SHLD3: variants seen among roughly 807,000 people sequenced by gnomAD.
SHLD3 encodes REV7-interacting novel NHEJ regulator 1.
SHLD3 carries 15 observed loss-of-function variants against 21.4 expected under a neutral mutation model. That is an observed-to-expected ratio of 0.70 (90% CI 0.47 to 1.08). The LOEUF (loss-of-function observed/expected upper bound fraction) is 1.08. Among genes scored for constraint, SHLD3 ranks in the 50% least tolerant of loss-of-function variants. The probability of loss-of-function intolerance (pLI) is 0.00; values close to 1 mark genes in which losing one functional copy is unlikely to be tolerated. For synonymous variants in SHLD3, 103 were observed against 97.2 expected (o/e 1.06, Z -0.35); for missense variants, 273 against 286.1 (o/e 0.95, Z 0.33).
chr5:65,629,853 A>C lies in SHLD3; in HGVS notation c.266A>C (p.Asp89Ala). The C allele has an allele frequency of 1.3e-6, 2 of 1,536,078 alleles. No homozygotes were observed. The highest frequency in any genetic ancestry group is 1.7e-6 in the Non-Finnish European group (2 of 1,146,892). The change falls in exon 2 of 2, where the codon GAT (aspartate) becomes GCT (alanine). Residue 89 changes from aspartate (D) to alanine (A), a missense_variant. Asp to Ala is a moderately radical substitution (Grantham distance 126). Transcript: ENST00000510585. ...TCACACAGTTATGATTGCACAGTAG[A>C]TCTATTGGAGTTTCAACCTAGCTTG... Reference protein sequence around the residue: ...AKSHSYDCTVDLLEFQPSLKK... With the variant: ...AKSHSYDCTVALLEFQPSLKK...
chr5:65,627,065 G>A (rs1411828046), intron 1 of SHLD3, among the ~76,000 whole-genome samples: 1 of 143,034 alleles, frequency 7.0e-6, no homozygotes, highest in Non-Finnish European at 1.5e-5. Context: ...CTGGGAGGCA[G>A]AGGCTGCAGT....
Position 65,629,724 on chromosome 5 carries a change from G to C in SHLD3, c.137G>C (p.Gly46Ala). 3 of 1,535,994 alleles carry C rather than the reference G, an allele frequency of 2.0e-6. No homozygotes were observed. The highest frequency in any genetic ancestry group is 2.4e-5 in the East Asian group (1 of 40,898). The change falls in exon 2 of 2, where the codon GGG becomes GCG. Residue 46 changes from glycine (G) to alanine (A), a missense_variant. By Grantham distance (60) the Gly-to-Ala change is moderately conservative. Coordinates refer to ENST00000510585, the MANE Select transcript of SHLD3 (RefSeq NM_001365341.2). ...SRFIPWFPYD[G>A]SKLPLRPKRS... is the part of the protein sequence containing the mutation. Reference sequence around the variant, plus strand: ...TTTATACCTTGGTTTCCATATGATGGGTCCAAGCTTCCACTCAGACCTAAA... The same window carrying C: ...TTTATACCTTGGTTTCCATATGATGCGTCCAAGCTTCCACTCAGACCTAAA...
Position 65,629,613 on chromosome 5 carries a change from A to G in SHLD3, c.26A>G (p.Tyr9Cys). 6.5e-7 allele frequency: 1 copy of G among 1,534,602 alleles called. No individual in the cohort carries two copies. The highest frequency in any genetic ancestry group is 8.7e-7 in the Non-Finnish European group (1 of 1,146,130). ...ATGACTACAGAAGTAATATTACATTATCGACCATGTGAGAGTGATCCCACA... is the reference window on the plus strand; with the variant it reads ...ATGACTACAGAAGTAATATTACATTGTCGACCATGTGAGAGTGATCCCACA... MTTEVILH[Y>C]RPCESDPTQL... The change falls in exon 2 of 2, where the codon TAT becomes TGT. Residue 9 changes from tyrosine (Y) to cysteine (C), a missense_variant. Tyr to Cys is a radical substitution (Grantham distance 194, BLOSUM62 -2). Transcript: ENST00000510585.
chr5:65,629,095 T>C (rs550705958), intron 1 of SHLD3, among the ~76,000 whole-genome samples: 17 of 152,346 alleles, frequency 1.1e-4, no homozygotes, highest in African/African-American at 3.8e-4. Context: ...ATTACATTTT[T>C]TGTTAATTCA....
Position 65,625,440 on chromosome 5 carries a change from CTT to C in SHLD3, c.-121+335_-121+336del, listed in dbSNP as rs145045458. On this transcript the variant is annotated intron_variant, in intron 1 of 1. Coordinates refer to ENST00000510585, the MANE Select transcript of SHLD3 (RefSeq NM_001365341.2). ...TCCAAAGTGCTTTTTCCTTCTGTCT[CTT>C]GTTTCTTCCTGTGGCACTGACGAAG... 1.4e-3 allele frequency: 434 copies of C among 318,208 alleles called. 5 individuals carry two copies. Among genetic ancestry groups the C allele is most frequent in the African/African-American group, 8.8e-3 (414 of 47,088 alleles). The allele number at this position is 318,208 out of a possible 1,614,324, so 19.7% of individuals were successfully genotyped here. A position where few individuals can be genotyped will look rare whatever the true frequency, so the allele number is the denominator to read the frequency against.
Position 65,629,780 on chromosome 5 carries a change from G to T in SHLD3, c.193G>T (p.Ala65Ser). 6.5e-7 allele frequency: 1 copy of T among 1,536,120 alleles called. No individual in the cohort carries two copies. The highest frequency in any genetic ancestry group is 8.7e-7 in the Non-Finnish European group (1 of 1,146,890). The change falls in exon 2 of 2, where the codon GCT becomes TCT. Residue 65 changes from alanine (A) to serine (S), a missense_variant. Transcript: ENST00000510585. ...RSPPVISEEA[A>S]EDVKQYLTIS... ...ACCACCTGTGATTTCTGAAGAGGCA[G>T]CTGAAGATGTGAAACAGTACTTAAC... is the stretch of plus-strand genomic sequence containing the variant.
chr5:65,628,168 C>T (rs1755337775), intron 1 of SHLD3, among the ~76,000 whole-genome samples: 1 of 152,156 alleles, frequency 6.6e-6, no homozygotes, highest in African/African-American at 2.4e-5. Context: ...AATTTATTAT[C>T]AGTGACTTAA....
Position 65,629,928 on chromosome 5 carries a change from C to G in SHLD3, c.341C>G (p.Ser114Cys). 6.5e-7 allele frequency: 1 copy of G among 1,536,064 alleles called. No homozygotes were observed. The highest frequency in any genetic ancestry group is 8.7e-7 in the Non-Finnish European group (1 of 1,146,882). The change falls in exon 2 of 2, where the codon TCT (serine) becomes TGT (cysteine). Residue 114 changes from serine to cysteine, a missense_variant. Ser to Cys is a moderately radical substitution (Grantham distance 112). Transcript: ENST00000510585. ...WSHTLKEQTNSGNLGKQSEKG... is the reference protein window; with the variant it reads ...WSHTLKEQTNCGNLGKQSEKG... Reference sequence around the variant, plus strand: ...CACACACTGAAGGAACAGACTAATTCTGGAAATCTGGGTAAACAATCAGAA... The same window carrying G: ...CACACACTGAAGGAACAGACTAATTGTGGAAATCTGGGTAAACAATCAGAA...
Position 65,630,473 on chromosome 5 carries a change from AAATTG to A in SHLD3, c.*134_*138del. 1 of 1,387,510 alleles carries A rather than the reference AAATTG, an allele frequency of 7.2e-7. No homozygotes were observed. Among genetic ancestry groups the A allele is most frequent in the South Asian group, 1.8e-5 (1 of 54,166 alleles). The allele number at this position is 1,387,510 out of a possible 1,614,324, so 85.9% of individuals were successfully genotyped here. A position where few individuals can be genotyped will look rare whatever the true frequency, so the allele number is the denominator to read the frequency against. The stretch of plus-strand genomic sequence containing the variant: ...TCCTAGGCTTGTCAATTAAGTCAAG[AAATTG>A]CTGAGTTCTGCTTATTGGCAGCCTT... On this transcript the variant is annotated 3_prime_UTR_variant, in exon 2 of 2. Transcript: ENST00000510585.
At position 65,629,726 on chromosome 5, in the gene SHLD3, T is replaced by A. The variant is rs17830337; in HGVS notation, c.139T>A (p.Ser47Thr). 0.076 allele frequency: 116,880 copies of A among 1,535,952 alleles called. 4,801 individuals carry two copies. Among genetic ancestry groups the A allele is most frequent in the East Asian group, 0.095 (3,899 of 40,892 alleles). ...TATACCTTGGTTTCCATATGATGGG[T>A]CCAAGCTTCCACTCAGACCTAAAAG... is the stretch of plus-strand genomic sequence containing the variant. ...RFIPWFPYDGSKLPLRPKRSP... is the reference protein window; with the variant it reads ...RFIPWFPYDGTKLPLRPKRSP... The change falls in exon 2 of 2, where the codon TCC becomes ACC. Residue 47 changes from serine to threonine, a missense_variant. Physicochemically the swap from Ser to Thr is moderately conservative, Grantham distance 58. Coordinates refer to ENST00000510585, the MANE Select transcript of SHLD3 (RefSeq NM_001365341.2).
chr5:65,626,271 T>C (rs1755224436), intron 1 of SHLD3: 1 of 152,228 alleles, frequency 6.6e-6, no homozygotes, highest in East Asian at 1.9e-4. Context: ...TAGCTAGTGA[T>C]TGAGGCAGTG....
rs1755517117 is a variant in SHLD3 at position 65,630,856 on chromosome 5, A to G, written c.*516A>G. On this transcript the variant is annotated 3_prime_UTR_variant, in exon 2 of 2. Coordinates refer to ENST00000510585, the MANE Select transcript of SHLD3 (RefSeq NM_001365341.2). ...TATACTTTGCCTAAAACGATAATGTATCCTGTTTTGAAGGAAAGTATCAAA... is the reference window on the plus strand; with the variant it reads ...TATACTTTGCCTAAAACGATAATGTGTCCTGTTTTGAAGGAAAGTATCAAA... The G allele has an allele frequency of 5.1e-6, 1 of 198,006 alleles. No homozygotes were observed. Among genetic ancestry groups the G allele is most frequent in the Non-Finnish European group, 9.1e-6 (1 of 109,718 alleles). The allele number at this position is 198,006 out of a possible 1,614,324, so 12.3% of individuals were successfully genotyped here. A position where few individuals can be genotyped will look rare whatever the true frequency, so the allele number is the denominator to read the frequency against.
At chr5:65,625,297 G>A in intron 1 of SHLD3, 191 bp downstream of exon 1, 2 of 593,046 alleles carry the variant, frequency 3.4e-6, no homozygotes, top group East Asian at 2.8e-5. Flanking sequence ...TTTCTAGAAC[G>A]AAATAGATAC....
In SHLD3 at chr5:65,630,327, T is replaced by C. The variant is rs901269340; in HGVS notation, c.740T>C (p.Ile247Thr). Residue 247 changes from isoleucine to threonine, a missense_variant, in exon 2 of 2, where the codon ATT (isoleucine) becomes ACT (threonine). Coordinates refer to ENST00000510585, the MANE Select transcript of SHLD3 (RefSeq NM_001365341.2). ...INLFVHKYGV[I>T]FSM ...TTATTTGTGCATAAATATGGTGTTA[T>C]TTTTAGTATGTAATGAATTCCACTG... The C allele has an allele frequency of 5.9e-6, 9 of 1,514,582 alleles. No individual in the cohort carries two copies. The African/African-American group carries it at 1.1e-4, about 19-fold the overall frequency. 93.8% of individuals were successfully genotyped at this position (1,514,582 alleles called of 1,614,324 possible). A position where few individuals can be genotyped will look rare whatever the true frequency, so the allele number is the denominator to read the frequency against.
Position 65,629,971 on chromosome 5 carries a change from G to A in SHLD3, c.384G>A (p.Lys128=). Residue 128 remains lysine (K), a synonymous_variant, in exon 2 of 2, where the codon AAG becomes AAA. Transcript: ENST00000510585. ...GKQSEKGKQH[K]RRSWSISLPS... is the part of the protein sequence containing the mutation. ...AATCAGAAAAGGGAAAACAGCACAA[G>A]AGGAGATCTTGGAGTATTTCCCTTC... 2.0e-6 allele frequency: 3 copies of A among 1,536,026 alleles called. No individual in the cohort carries two copies. Among genetic ancestry groups the A allele is most frequent in the Non-Finnish European group, 2.6e-6 (3 of 1,146,858 alleles).
intron 1 of SHLD3, among the ~76,000 whole-genome samples, chr5:65,626,822 A>G (rs1032912284): frequency 2.0e-5 from 3 of 151,926 alleles, no homozygotes; most frequent in Non-Finnish European, 4.4e-5. Flanking sequence ...TTTTTTTTCC[A>G]AAACCAAGGA....
At chr5:65,625,662 G>A (rs1755182965) in intron 1 of SHLD3, among the ~76,000 whole-genome samples, 1 of 152,050 alleles carries the variant, frequency 6.6e-6, no homozygotes, top group African/African-American at 2.4e-5. Flanking sequence ...CAGCCATTTT[G>A]AGTAAGTTTG....
intron 1 of SHLD3, among the ~76,000 whole-genome samples, chr5:65,628,732 A>G (rs915953821): frequency 6.6e-5 from 10 of 151,992 alleles, no homozygotes; most frequent in African/African-American, 2.2e-4. Context: ...GGCCCCCATA[A>G]AGTTCTGGGA....
chr5:65,626,809 T>C (rs1000971189), intron 1 of SHLD3, among the ~76,000 whole-genome samples: 6 of 151,504 alleles, frequency 4.0e-5, no homozygotes, highest in African/African-American at 1.5e-4. Context: ...TTTTCTGTTA[T>C]TCTTTTTTTT....
Sources: allele counts gnomAD v4.1 joint callset (sites outside exome capture counted in the v4.1 genomes callset), GRCh38; gene constraint gnomAD v4.1.1; transcripts MANE v1.5; gene names NCBI Gene and HGNC (gene_info 2026-07-23, HGNC 2026-07-21).